The following RBM11 variants were observed in gnomAD, a reference collection of about 807,000 sequenced individuals.
RBM11 encodes the protein splicing regulator RBM11.
RBM11 carries 18 observed loss-of-function variants against 21.4 expected under a neutral mutation model. The ratio of observed to expected loss-of-function variants is 0.84; its 90% CI spans 0.58 to 1.25. The LOEUF (loss-of-function observed/expected upper bound fraction) is 1.25. Among genes scored for constraint, RBM11 ranks in the 50% most tolerant of loss-of-function variants. The probability of loss-of-function intolerance (pLI) is 0.00; values close to 1 mark genes in which losing one functional copy is unlikely to be tolerated. For missense variants in RBM11, 294 were observed against 331.9 expected (o/e 0.89, Z 0.89); for synonymous variants, 120 against 116.3 (o/e 1.03, Z -0.20).
rs1978469433 is a variant in RBM11 at position 14,219,458 on chromosome 21, A to G, written c.97-105A>G. The G allele has an allele frequency of 5.1e-6, 4 of 790,560 alleles. No individual in the cohort carries two copies. The South Asian group carries it at 1.1e-4, about 21-fold the overall frequency. The allele number at this position is 790,560 out of a possible 1,614,324, so 49.0% of individuals were successfully genotyped here. A position where few individuals can be genotyped will look rare whatever the true frequency, so the allele number is the denominator to read the frequency against. On this transcript the variant is annotated intron_variant, in intron 1 of 4. Transcript: ENST00000400577. The stretch of plus-strand genomic sequence containing the variant: ...AGATACATTATTAGCAGAGCTACAT[A>G]AAGATATTGCTAACACATTTCTTTA...
Position 14,216,172 on chromosome 21 carries a change from G to T in RBM11, c.-15G>T, listed in dbSNP as rs1243306768. 1 of 1,608,168 alleles carries T rather than the reference G, an allele frequency of 6.2e-7. No individual in the cohort carries two copies. The highest frequency in any genetic ancestry group is 8.5e-7 in the Non-Finnish European group (1 of 1,176,064). The stretch of plus-strand genomic sequence containing the variant: ...GGTCTCAGCTCCTACTTCATTCTAC[G>T]GCCGAGACCGGAGGATGTTCCCTGC... On this transcript the variant is annotated 5_prime_UTR_variant, in exon 1 of 5. Transcript: ENST00000400577.
intron 1 of RBM11, among the ~76,000 whole-genome samples, chr21:14,219,094 A>G (rs1049377009): frequency 6.6e-6 from 1 of 152,186 alleles, no homozygotes; most frequent in Non-Finnish European, 1.5e-5. Flanking sequence ...AAATTTATTT[A>G]TTCTTGAAAA....
At chr21:14,219,957 G>A (rs1449009584) in intron 2 of RBM11, among the ~76,000 whole-genome samples, 2 of 152,202 alleles carry the variant, frequency 1.3e-5, no homozygotes, top group East Asian at 1.9e-4. Flanking sequence ...TAAGATAATC[G>A]TTTTAGTATC....
Position 14,222,316 on chromosome 21 carries a change from TAG to T in RBM11, c.332+1155_332+1156del, listed in dbSNP as rs200321503. On this transcript the variant is annotated intron_variant, in intron 3 of 4. Transcript: ENST00000400577. The stretch of plus-strand genomic sequence containing the variant: ...GTATCTCTATATAGATACTTATATA[TAG>T]AGAGAGAAGTATAGCTCTACTAGCT... Among the ~76,000 whole-genome samples, 1,397 of 152,104 alleles carry T rather than the reference TAG, an allele frequency of 9.2e-3. 15 individuals are homozygous for T. The highest frequency in any genetic ancestry group is 0.027 in the African/African-American group (1,137 of 41,526).
chr21:14,221,269 A>G, intron 3 of RBM11, 100 bp downstream of exon 3: 1 of 1,296,396 alleles, frequency 7.7e-7, no homozygotes, highest in South Asian at 1.8e-5. Context: ...CTTACTTTTT[A>G]GGCCTAGGAT....
At chr21:14,217,824 G>T (rs1033228613) in intron 1 of RBM11, among the ~76,000 whole-genome samples, 24 of 152,284 alleles carry the variant, frequency 1.6e-4, no homozygotes, top group Non-Finnish European at 2.6e-4. Context: ...AAAAAAAGGA[G>T]AGTGGAAGAC....
intron 1 of RBM11, 34 bp downstream of exon 1, chr21:14,216,316 G>A: frequency 6.3e-7 from 1 of 1,586,460 alleles, no homozygotes; most frequent in Non-Finnish European, 8.6e-7. Context: ...CGGAGGGGCG[G>A]AGCACGTCGG....
chr21:14,217,339 A>G (rs551558649), intron 1 of RBM11, among the ~76,000 whole-genome samples: 1 of 152,328 alleles, frequency 6.6e-6, no homozygotes, highest in South Asian at 2.1e-4. Context: ...TAGTAATAAT[A>G]CTAACATCAA....
chr21:14,226,247 G>T (rs1004839327), intron 4 of RBM11, among the ~76,000 whole-genome samples: 3 of 151,960 alleles, frequency 2.0e-5, no homozygotes, highest in Non-Finnish European at 2.9e-5. Context: ...CATTTTAAAT[G>T]GATATATTGG....
chr21:14,216,427 TC>T, intron 1 of RBM11, 145 bp downstream of exon 1: 1 of 665,132 alleles, frequency 1.5e-6, no homozygotes, highest in Non-Finnish European at 2.6e-6. Flanking sequence ...CGCACCTGTC[TC>T]CAGGTGAGCG....
intron 1 of RBM11, 43 bp from the exon 2 acceptor site, chr21:14,219,520 A>G: frequency 7.2e-7 from 1 of 1,380,350 alleles, no homozygotes; most frequent in South Asian, 1.7e-5. Context: ...GTATAAAAAA[A>G]ATCTTTGGAT....
chr21:14,225,065 C>G (rs1255223579), intron 4 of RBM11, among the ~76,000 whole-genome samples: 1 of 151,442 alleles, frequency 6.6e-6, no homozygotes, highest in Non-Finnish European at 1.5e-5. Context: ...CGCAGTGAGC[C>G]AAGATTGTGC....
chr21:14,217,650 C>T (rs1394992204), intron 1 of RBM11, among the ~76,000 whole-genome samples: 1 of 151,954 alleles, frequency 6.6e-6, no homozygotes, highest in Non-Finnish European at 1.5e-5. Context: ...TCTTTTTAAA[C>T]TTGCCTCCTT....
rs752583380 is a variant in RBM11, at chr21:14,226,870, G to C, written c.433-10G>C. ...ATTTGTTTTGGTAGATGAATGTCTT[G>C]TTTTCACAGCAGTGGCATGTGTATA... On this transcript the variant is annotated splice_polypyrimidine_tract_variant and intron_variant, in intron 4 of 4. Transcript: ENST00000400577. The C allele has an allele frequency of 1.3e-6, 2 of 1,589,042 alleles. No individual in the cohort carries two copies. The highest frequency in any genetic ancestry group is 1.7e-6 in the Non-Finnish European group (2 of 1,168,202).
chr21:14,228,046 A>G lies in RBM11; in HGVS notation c.*753A>G, dbSNP rs1189148114. The G allele has an allele frequency of 6.6e-6, 1 of 152,194 alleles. No homozygotes were observed. Among genetic ancestry groups the G allele is most frequent in the Non-Finnish European group, 1.5e-5 (1 of 68,030 alleles). The allele number at this position is 152,194 out of a possible 1,614,324, so 9.4% of individuals were successfully genotyped here. ...GTTTGAGATGCTATATTAACATTTA[A>G]ATCATGAAAATGAGCAAGTAAATAG... On this transcript the variant is annotated 3_prime_UTR_variant, in exon 5 of 5. Transcript: ENST00000400577.
chr21:14,223,326 T>C (rs774751894), intron 3 of RBM11, among the ~76,000 whole-genome samples: 1 of 152,198 alleles, frequency 6.6e-6, no homozygotes, highest in African/African-American at 2.4e-5. Flanking sequence ...CCCTTGGAAA[T>C]GGATTTTTAT....
chr21:14,227,279 A>G lies in RBM11; in HGVS notation c.832A>G (p.Lys278Glu), dbSNP rs1365622244. The G allele has an allele frequency of 6.2e-7, 1 of 1,610,206 alleles. No homozygotes were observed. The highest frequency in any genetic ancestry group is 8.5e-7 in the Non-Finnish European group (1 of 1,178,530). ...CCAAAAGTTCCGAAAGTCTAAGAAG[A>G]AGAAAAGATACTAGTATTACCTACA... is the stretch of plus-strand genomic sequence containing the variant. The part of the protein sequence containing the change: ...CSQKFRKSKK[K>E]KRY Residue 278 changes from lysine to glutamate, a missense_variant, in exon 5 of 5, where the codon AAG becomes GAG. Physicochemically the swap from Lys to Glu is moderately conservative, Grantham distance 56. This residue lies in a region of RBM11 where 113 missense variants were observed against 167.3 expected (regional missense o/e 0.68). Coordinates refer to ENST00000400577, the MANE Select transcript of RBM11 (RefSeq NM_144770.5).
chr21:14,218,726 C>T (rs562978301), intron 1 of RBM11, among the ~76,000 whole-genome samples: 5 of 152,172 alleles, frequency 3.3e-5, no homozygotes, highest in African/African-American at 1.2e-4. Flanking sequence ...AAGTCTGAAC[C>T]ATTCAGCATT....
chr21:14,226,457 A>G (rs1223722152), intron 4 of RBM11, among the ~76,000 whole-genome samples: 1 of 152,010 alleles, frequency 6.6e-6, no homozygotes. Context: ...TGTCTCTACT[A>G]AAAATACAAA....
Sources: gnomAD v4.1 joint callset for allele counts (sites outside exome capture counted in the v4.1 genomes callset) on GRCh38, gnomAD v4.1.1 for gene constraint, gnomAD v4.1.1 regional missense constraint, MANE v1.5 for transcripts, NCBI Gene and HGNC (gene_info 2026-07-23, HGNC 2026-07-21) for gene names.